Variants in VTI1A observed in about 807,000 individuals in gnomAD.
VTI1A encodes vesicle transport through interaction with t-SNAREs homolog 1A.
Under a neutral mutation model 34.9 loss-of-function variants are expected in VTI1A, and 22 were observed. The observed-to-expected ratio is 0.63, with a 90% CI of 0.45 to 0.90. The LOEUF (loss-of-function observed/expected upper bound fraction) is 0.90, where lower values mean the gene tolerates loss of function less well. VTI1A is among the 40% of genes least tolerant of loss of function. VTI1A has a pLI of 0.00. For synonymous variants in VTI1A, 87 were observed against 97.3 expected (o/e 0.89, Z 0.62); for missense variants, 268 against 275.6 (o/e 0.97, Z 0.20).
At chr10:112,669,624 C>T (rs550584326) in intron 7 of VTI1A, among the ~76,000 whole-genome samples, 2 of 152,068 alleles carry the variant, frequency 1.3e-5, no homozygotes, top group South Asian at 2.1e-4. Context: ...ACATTCAGCA[C>T]GAAATTATTT....
chr10:112,661,764 GTTT>G (rs34974968), intron 5 of VTI1A, among the ~76,000 whole-genome samples: 8 of 105,930 alleles, frequency 7.6e-5, no homozygotes, highest in African/African-American at 1.9e-4. Context: ...CTGCTGTTAA[GTTT>G]TTTTTTTTTT....
At chr10:112,464,861 C>T (rs1278025502) in intron 3 of VTI1A, 1 of 575,782 alleles carries the variant, frequency 1.7e-6, no homozygotes, top group South Asian at 2.2e-5. Context: ...TAATGATTCA[C>T]AAATAGATCC....
chr10:112,471,584 G>T (rs191008191), intron 3 of VTI1A, among the ~76,000 whole-genome samples: 1 of 151,762 alleles, frequency 6.6e-6, no homozygotes, highest in Non-Finnish European at 1.5e-5. Flanking sequence ...CTAAGCACCC[G>T]TTTTAATGTT....
At chr10:112,677,131 G>A (rs775666169) in intron 7 of VTI1A, among the ~76,000 whole-genome samples, 13 of 152,130 alleles carry the variant, frequency 8.5e-5, no homozygotes, top group Admixed American at 2.6e-4. Context: ...TGCAGGGGAC[G>A]GACAGACAGA....
intron 7 of VTI1A, among the ~76,000 whole-genome samples, chr10:112,733,238 C>T (rs912965709): frequency 6.6e-6 from 1 of 151,820 alleles, no homozygotes; most frequent in East Asian, 1.9e-4. Context: ...TTGCTTTTAT[C>T]GTTTTAAAAT....
chr10:112,527,199 T>A, intron 4 of VTI1A, 35 bp downstream of exon 4: 1 of 1,604,628 alleles, frequency 6.2e-7, no homozygotes. Flanking sequence ...GGTGGGTGGC[T>A]GGAGGGTGAA....
chr10:112,660,668 G>A (rs1246118459), intron 5 of VTI1A, among the ~76,000 whole-genome samples: 1 of 152,162 alleles, frequency 6.6e-6, no homozygotes, highest in African/African-American at 2.4e-5. Context: ...GTGCTACTGA[G>A]GAACTAAAGT....
intron 7 of VTI1A, among the ~76,000 whole-genome samples, chr10:112,734,395 T>TG (rs1382530862): frequency 6.6e-6 from 1 of 152,144 alleles, no homozygotes; most frequent in Non-Finnish European, 1.5e-5. Context: ...TCCCCACAAA[T>TG]GCAGGAGTCC....
chr10:112,486,760 TACAATAACAC>T (rs936196694), intron 3 of VTI1A, among the ~76,000 whole-genome samples: 5 of 132,150 alleles, frequency 3.8e-5, no homozygotes, highest in African/African-American at 1.5e-4. Context: ...TAATGTTGCC[TACAATAACAC>T]ACTCAAAGAC....
intron 7 of VTI1A, among the ~76,000 whole-genome samples, chr10:112,699,157 A>G (rs948039593): frequency 6.6e-6 from 1 of 152,276 alleles, no homozygotes; most frequent in African/African-American, 2.4e-5. Flanking sequence ...TAATTTCAGC[A>G]TAGATGGCAG....
At chr10:112,668,098 G>A in intron 5 of VTI1A, 120 bp from the exon 6 acceptor site, 1 of 663,784 alleles carries the variant, frequency 1.5e-6, no homozygotes, top group Non-Finnish European at 2.7e-6. Flanking sequence ...ATTGAAATAT[G>A]TGTCTGATGT....
chr10:112,591,255 T>G (rs1170765885), intron 5 of VTI1A, among the ~76,000 whole-genome samples: 1 of 152,176 alleles, frequency 6.6e-6, no homozygotes, highest in African/African-American at 2.4e-5. Context: ...GCGTGGTGGC[T>G]CACGCCTGTA....
rs574817293 is a variant in VTI1A at position 112,818,655 on chromosome 10, C to T, written c.*3272C>T. 14 of 216,356 alleles carry T rather than the reference C, an allele frequency of 6.5e-5. No individual in the cohort carries two copies. Among genetic ancestry groups the T allele is most frequent in the Non-Finnish European group, 1.2e-4 (13 of 107,140 alleles). 13.4% of individuals were successfully genotyped at this position (216,356 alleles called of 1,614,324 possible). On this transcript the variant is annotated 3_prime_UTR_variant, in exon 8 of 8. Coordinates refer to ENST00000393077, the MANE Select transcript of VTI1A (RefSeq NM_145206.4). ...TAATTGCGCATTGCCAGCAACTTGG[C>T]GCCTGTTTAGACGTTTTTATTTTCT...
chr10:112,559,570 T>A (rs1287765198), intron 5 of VTI1A, among the ~76,000 whole-genome samples: 1 of 152,096 alleles, frequency 6.6e-6, no homozygotes, highest in African/African-American at 2.4e-5. Flanking sequence ...GAGGCCTTCC[T>A]CTTCTTCCCT....
At chr10:112,505,540 G>A (rs1405817176) in intron 3 of VTI1A, among the ~76,000 whole-genome samples, 1 of 152,018 alleles carries the variant, frequency 6.6e-6, no homozygotes, top group Non-Finnish European at 1.5e-5. Context: ...AGTGTTAGTG[G>A]TCACTTTATT....
chr10:112,699,924 G>C (rs1309295306), intron 7 of VTI1A, among the ~76,000 whole-genome samples: 4 of 151,588 alleles, frequency 2.6e-5, no homozygotes, highest in Admixed American at 2.6e-4. Context: ...TTCAAGACCA[G>C]CCTGGCCAAG....
chr10:112,481,544 T>C lies in VTI1A; in HGVS notation c.264+16887T>C, dbSNP rs183236464. Among the ~76,000 whole-genome samples, 6 of 152,332 alleles carry C rather than the reference T, an allele frequency of 3.9e-5. No homozygotes were observed. In the East Asian group the frequency reaches 1.2e-3, roughly 29 times the overall value. On this transcript the variant is annotated intron_variant, in intron 3 of 7. Transcript: ENST00000393077. ...AAGGGAAATATGGTTATAAAAGTCT[T>C]GTATATGTATGTTGTTTCTGCATTT...
chr10:112,581,305 T>G (rs1221783758), intron 5 of VTI1A, among the ~76,000 whole-genome samples: 2 of 152,250 alleles, frequency 1.3e-5, no homozygotes, highest in Non-Finnish European at 2.9e-5. Context: ...GGGTGATAAC[T>G]TGTCCACTGT....
At position 112,542,955 on chromosome 10, in the gene VTI1A, G is replaced by A. The variant is rs1267944475; in HGVS notation, c.427+4625G>A. On this transcript the variant is annotated intron_variant, in intron 5 of 7. Transcript: ENST00000393077. ...TGGTTTTGTGTCCTTGCGATAGTTT[G>A]CTGAGAATGATGGTTTCAAGCTTCA... Among the ~76,000 whole-genome samples, 6 of 152,150 alleles carry A rather than the reference G, an allele frequency of 3.9e-5. No individual in the cohort carries two copies. In the East Asian group the frequency reaches 1.2e-3, roughly 29 times the overall value.
Sources: allele counts gnomAD v4.1 joint callset (sites outside exome capture counted in the v4.1 genomes callset), GRCh38; gene constraint gnomAD v4.1.1; transcripts MANE v1.5; gene names NCBI Gene and HGNC (gene_info 2026-07-23, HGNC 2026-07-21).